The following COL5A1 variants were observed in gnomAD, a reference collection of about 807,000 sequenced individuals.
The protein encoded by COL5A1 is collagen alpha-1(V) chain.
Under a neutral mutation model 263.7 loss-of-function variants are expected in COL5A1, and 16 were observed. The ratio of observed to expected loss-of-function variants is 0.06; its 90% CI spans 0.04 to 0.09. The LOEUF is 0.09. COL5A1 is among the 10% of genes least tolerant of loss of function. The pLI is 1.00. For synonymous variants in COL5A1, 1,012 were observed against 1,004.5 expected (o/e 1.01, Z -0.14); for missense variants, 2,036 against 2,540.5 (o/e 0.80, Z 4.27).
chr9:134,689,365 C>T (rs111469457), intron 1 of COL5A1, among the ~76,000 whole-genome samples: 1,761 of 152,250 alleles, frequency 0.012, 25 homozygotes, highest in African/African-American at 0.039. Flanking sequence ...GGCCAGAGAG[C>T]GGGGAACTGA....
At position 134,842,522 on chromosome 9, in the gene COL5A1, T is replaced by A. The variant is rs1212362276; in HGVS notation, c.*219T>A. 1.6e-6 allele frequency: 1 copy of A among 616,602 alleles called. No homozygotes were observed. Among genetic ancestry groups the A allele is most frequent in the East Asian group, 2.8e-5 (1 of 35,432 alleles). The allele number at this position is 616,602 out of a possible 1,614,324, so 38.2% of individuals were successfully genotyped here. A position where few individuals can be genotyped will look rare whatever the true frequency, so the allele number is the denominator to read the frequency against. ...CCACCTGGAGCTGAATCACATGACCTAGCTGCACCCCAGCGCCTGGGCCCG... is the reference window on the plus strand; with the variant it reads ...CCACCTGGAGCTGAATCACATGACCAAGCTGCACCCCAGCGCCTGGGCCCG... On this transcript the variant is annotated 3_prime_UTR_variant, in exon 66 of 66. Transcript: ENST00000371817. The surrounding 1 kb of genome is among the most constrained non-coding windows in gnomAD (Gnocchi z 5.8).
At position 134,789,144 on chromosome 9, in the gene COL5A1, C is replaced by T. The variant is rs1259523878; in HGVS notation, c.2647-11C>T. 1.9e-6 allele frequency: 3 copies of T among 1,612,786 alleles called. No homozygotes were observed. In the South Asian group the frequency reaches 3.3e-5, roughly 18 times the overall value. On this transcript the variant is annotated splice_polypyrimidine_tract_variant and intron_variant, in intron 31 of 65. Transcript: ENST00000371817. The surrounding 1 kb of genome is among the most constrained non-coding windows in gnomAD (Gnocchi z 4.8). ...CCAGCTCTGATGCCTCCTCCTTAAA[C>T]TCTCTTTCAGGGCTCTATTGGATTC...
chr9:134,705,313 C>T (rs9409989), intron 4 of COL5A1, among the ~76,000 whole-genome samples: 76,025 of 152,174 alleles, frequency 0.5, 19,370 homozygotes, highest in Admixed American at 0.64. Context: ...CCGCAGCCTC[C>T]CTGGGTATAG....
At position 134,727,347 on chromosome 9, in the gene COL5A1, A is replaced by C. The variant is rs770894826; in HGVS notation, c.736A>C (p.Thr246Pro). 1 of 1,613,934 alleles carries C rather than the reference A, an allele frequency of 6.2e-7. No homozygotes were observed. Among genetic ancestry groups the C allele is most frequent in the African/African-American group, 1.3e-5 (1 of 75,006 alleles). Residue 246 changes from threonine to proline, a missense_variant, in exon 5 of 66, where the codon ACC becomes CCC. Transcript: ENST00000371817. ...TGAGCACTACAGCCCTGACTGTGAC[A>C]CCGCAGTACCTGACACCCCACAGTC... ...YCEHYSPDCDTAVPDTPQSQD... is the reference protein window; with the variant it reads ...YCEHYSPDCDPAVPDTPQSQD...
intron 46 of COL5A1, 126 bp downstream of exon 46, chr9:134,811,725 G>A: frequency 1.2e-6 from 1 of 815,086 alleles, no homozygotes; most frequent in Non-Finnish European, 2.1e-6. Context: ...GGGCCTCCTG[G>A]GCCTCCTCAT....
intron 1 of COL5A1, among the ~76,000 whole-genome samples, chr9:134,662,346 T>C (rs556270950): frequency 6.7e-4 from 102 of 152,344 alleles, no homozygotes; most frequent in African/African-American, 2.3e-3. Context: ...CGCACATTCT[T>C]CTCTGACAAC....
At chr9:134,697,719 G>T (rs1451084875) in intron 2 of COL5A1, among the ~76,000 whole-genome samples, 1 of 152,114 alleles carries the variant, frequency 6.6e-6, no homozygotes, top group Non-Finnish European at 1.5e-5. Flanking sequence ...CCTACGGTGG[G>T]TGGGCATGGC....
Position 134,763,714 on chromosome 9 carries a change from C to T in COL5A1, c.2011C>T (p.Pro671Ser), listed in dbSNP as rs951499326. 6.2e-7 allele frequency: 1 copy of T among 1,613,710 alleles called. No individual in the cohort carries two copies. The change falls in exon 20 of 66, where the codon CCC becomes TCC. Residue 671 changes from proline to serine, a missense_variant. Around this residue, in one of 3 missense-constraint regions of COL5A1, gnomAD observed 1,078 missense variants for 1,521.4 expected, o/e 0.71. Transcript: ENST00000371817. ...GCAGGGTGACGACGGAGAAGTTGGGCCCAGGGGGCTGCCTGGGGAGCCCGT... is the reference window on the plus strand; with the variant it reads ...GCAGGGTGACGACGGAGAAGTTGGGTCCAGGGGGCTGCCTGGGGAGCCCGT... ...GERGDDGEVGPRGLPGEPGPR... is the reference protein window; with the variant it reads ...GERGDDGEVGSRGLPGEPGPR...
At chr9:134,694,584 G>A (rs1466575842) in intron 2 of COL5A1, among the ~76,000 whole-genome samples, 2 of 152,216 alleles carry the variant, frequency 1.3e-5, no homozygotes, top group African/African-American at 2.4e-5. Flanking sequence ...CCCCTCATTC[G>A]AAGAGGGTTT....
chr9:134,641,931 G>C lies in COL5A1; in HGVS notation c.-257G>C, dbSNP rs915901182. On this transcript the variant is annotated 5_prime_UTR_variant, in exon 1 of 66. Coordinates refer to ENST00000371817, the MANE Select transcript of COL5A1 (RefSeq NM_000093.5). The stretch of plus-strand genomic sequence containing the variant: ...AGTTGGAGGAGGAGGAGGAGGAGGC[G>C]AGGGCGAGCTAGCCCAGCGGGGTCC... 2.6e-6 allele frequency: 1 copy of C among 389,662 alleles called. No individual in the cohort carries two copies. Among genetic ancestry groups the C allele is most frequent in the Non-Finnish European group, 4.5e-6 (1 of 220,264 alleles). The allele number at this position is 389,662 out of a possible 1,614,324, so 24.1% of individuals were successfully genotyped here.
rs117377395 is a variant in COL5A1, at chr9:134,651,156, C to T, written c.109+8860C>T. Among the ~76,000 whole-genome samples the T allele has an allele frequency of 1.1e-3, 173 of 152,344 alleles. 3 individuals carry two copies. In the East Asian group the frequency reaches 0.026, roughly 23 times the overall value. ...CAGTGCGTACCTGAAGCCTCTGCCTCGGTTTCTTCTTCTTCCTTTCAGATG... is the reference window on the plus strand; with the variant it reads ...CAGTGCGTACCTGAAGCCTCTGCCTTGGTTTCTTCTTCTTCCTTTCAGATG... On this transcript the variant is annotated intron_variant, in intron 1 of 65. Coordinates refer to ENST00000371817, the MANE Select transcript of COL5A1 (RefSeq NM_000093.5).
chr9:134,665,611 A>G (rs935211440), intron 1 of COL5A1, among the ~76,000 whole-genome samples: 2 of 152,138 alleles, frequency 1.3e-5, no homozygotes, highest in African/African-American at 2.4e-5. Flanking sequence ...ATCTTTTGAA[A>G]GGGGTTGAAT....
intron 65 of COL5A1, among the ~76,000 whole-genome samples, chr9:134,840,869 G>A (rs973376001): frequency 2.0e-5 from 3 of 152,098 alleles, no homozygotes; most frequent in East Asian, 3.9e-4. Context: ...AACTCCCATC[G>A]AACGGCCCCA....
intron 63 of COL5A1, among the ~76,000 whole-genome samples, chr9:134,828,233 C>T (rs1267865566): frequency 1.3e-5 from 2 of 152,178 alleles, no homozygotes; most frequent in Middle Eastern, 3.2e-3. Flanking sequence ...CCATCCGTGG[C>T]GTCACTGAGG....
intron 41 of COL5A1, among the ~76,000 whole-genome samples, chr9:134,805,895 A>G (rs1838280074): frequency 6.6e-6 from 1 of 151,988 alleles, no homozygotes; most frequent in Admixed American, 6.6e-5. Context: ...CCGTGGGCAG[A>G]CCCTCAAGGG....
intron 61 of COL5A1, among the ~76,000 whole-genome samples, chr9:134,823,869 T>C (rs1344099011): frequency 2.0e-5 from 3 of 150,016 alleles, no homozygotes; most frequent in African/African-American, 7.3e-5. Context: ...CATGTGTGTG[T>C]GCATGATGTG....
At chr9:134,737,016 G>T (rs1835124434) in intron 9 of COL5A1, among the ~76,000 whole-genome samples, 1 of 152,238 alleles carries the variant, frequency 6.6e-6, no homozygotes, top group South Asian at 2.1e-4. Context: ...AGGAGTTGGA[G>T]CCTCGTCCTT....
intron 2 of COL5A1, among the ~76,000 whole-genome samples, chr9:134,695,757 G>A (rs927993630): frequency 3.1e-4 from 47 of 152,298 alleles, no homozygotes; most frequent in African/African-American, 1.0e-3. Context: ...GTCCAGCCCA[G>A]GGAATGTAAA....
In COL5A1 at chr9:134,738,784, C is replaced by G; in HGVS notation, c.1470C>G (p.Gly490=). The change falls in exon 11 of 66, where the codon GGC becomes GGG. Residue 490 remains glycine, a synonymous_variant. Transcript: ENST00000371817. ...CTCCAGGAACCATGGGTCCCACTGG[C>G]CAAGTCGGGGACCCTGGAGAAAGGG... is the stretch of plus-strand genomic sequence containing the variant. ...PGPPGTMGPT[G]QVGDPGERGP... 6.2e-7 allele frequency: 1 copy of G among 1,613,696 alleles called. No homozygotes were observed. The highest frequency in any genetic ancestry group is 8.5e-7 in the Non-Finnish European group (1 of 1,179,652).
Sources: allele counts gnomAD v4.1 joint callset (sites outside exome capture counted in the v4.1 genomes callset), GRCh38; gene constraint gnomAD v4.1.1; regional missense constraint gnomAD v4.1.1; non-coding constraint Gnocchi (gnomAD v3.1); transcripts MANE v1.5; gene names NCBI Gene and HGNC (gene_info 2026-07-23, HGNC 2026-07-21).